Variants in EFCAB13 observed in about 807,000 individuals in gnomAD.
EFCAB13 encodes the protein EF-hand calcium binding domain 13.
In EFCAB13, 91 loss-of-function variants were observed where a neutral mutation model predicts 110.2. The ratio of observed to expected loss-of-function variants is 0.83; its 90% confidence interval spans 0.70 to 0.98. The LOEUF (loss-of-function observed/expected upper bound fraction) is 0.98, where lower values mean the gene tolerates loss of function less well. Ranked by LOEUF, EFCAB13 falls within the 50% of genes least tolerant of loss-of-function variation. The pLI is 0.00. For synonymous variants in EFCAB13, 323 were observed against 369.9 expected, an observed-to-expected ratio of 0.87 and a Z score of 1.45; for missense variants, 968 against 1,119.4, an observed-to-expected ratio of 0.86 and a Z score of 1.93.
chr17:47,401,923 C>T (rs576624368), intron 17 of EFCAB13, among the ~76,000 whole-genome samples: 10 of 152,170 alleles, frequency 6.6e-5, no homozygotes, highest in Admixed American at 5.2e-4. Flanking sequence ...GGATTACAGG[C>T]GTGAGCCACC....
chr17:47,396,773 T>G (rs1335337693), intron 17 of EFCAB13, among the ~76,000 whole-genome samples: 1 of 152,186 alleles, frequency 6.6e-6, no homozygotes, highest in Non-Finnish European at 1.5e-5. Context: ...GTTTTGGGCT[T>G]TAAATGTATT....
At chr17:47,424,021 G>A (rs1355597931) in intron 23 of EFCAB13, among the ~76,000 whole-genome samples, 1 of 152,108 alleles carries the variant, frequency 6.6e-6, no homozygotes, top group Non-Finnish European at 1.5e-5. Context: ...ACTCTGCCGC[G>A]CCGCCCGAGG....
chr17:47,368,567 A>C (rs999734587), intron 10 of EFCAB13, among the ~76,000 whole-genome samples: 2 of 152,196 alleles, frequency 1.3e-5, no homozygotes, highest in African/African-American at 4.8e-5. Flanking sequence ...AATGTGGGGA[A>C]TATTGCCAAC....
chr17:47,419,834 T>G (rs1360572430), intron 23 of EFCAB13, among the ~76,000 whole-genome samples: 1 of 152,136 alleles, frequency 6.6e-6, no homozygotes, highest in Non-Finnish European at 1.5e-5. Flanking sequence ...TATTCTATAT[T>G]AAAGTATGTT....
At chr17:47,348,784 G>T (rs1381354617) in intron 9 of EFCAB13, among the ~76,000 whole-genome samples, 5 of 151,934 alleles carry the variant, frequency 3.3e-5, no homozygotes, top group Non-Finnish European at 5.9e-5. Context: ...TGTATTTTGA[G>T]ATTCTTTATA....
At chr17:47,351,279 CTGTGTG>C (rs140772791) in intron 9 of EFCAB13, among the ~76,000 whole-genome samples, 2,085 of 127,924 alleles carry the variant, frequency 0.016, 58 homozygotes, top group Admixed American at 0.066. Context: ...TAGTATTCCA[CTGTGTG>C]TGTGTGTGTG....
chr17:47,410,946 C>T (rs1315271583), intron 21 of EFCAB13, among the ~76,000 whole-genome samples: 1 of 152,110 alleles, frequency 6.6e-6, no homozygotes, highest in African/African-American at 2.4e-5. Context: ...TTATAAATAT[C>T]CGTTTCTGTT....
chr17:47,377,786 A>T lies in EFCAB13; in HGVS notation c.1393A>T (p.Ser465Cys). The change falls in exon 13 of 25, where the codon AGT (serine) becomes TGT (cysteine). Residue 465 changes from serine to cysteine, a missense_variant. Transcript: ENST00000331493. The part of the protein sequence containing the change: ...STLENFCEAI[S>C]KLQENYIAAE... ...TTTAGAAAACTTCTGTGAAGCTATC[A>T]GTAAACTTCAAGAAAATTACATTGC... The T allele has an allele frequency of 6.3e-7, 1 of 1,585,748 alleles. No individual in the cohort carries two copies. Among genetic ancestry groups the T allele is most frequent in the Non-Finnish European group, 8.5e-7 (1 of 1,172,108 alleles).
chr17:47,403,952 C>G lies in EFCAB13; in HGVS notation c.2092C>G (p.Leu698Val). The G allele has an allele frequency of 1.2e-6, 2 of 1,610,604 alleles. No individual in the cohort carries two copies. The highest frequency in any genetic ancestry group is 2.2e-5 in the South Asian group (2 of 90,550). The part of the protein sequence containing the change: ...MIAGKNLEDF[L>V]RNVGIKSPKE... ...AGCTGGGAAGAACTTGGAAGACTTTCTAAGAAATGTTGGGATTAAGTCACC... is the reference window on the plus strand; with the variant it reads ...AGCTGGGAAGAACTTGGAAGACTTTGTAAGAAATGTTGGGATTAAGTCACC... The change falls in exon 19 of 25, where the codon CTA (leucine) becomes GTA (valine). Residue 698 changes from leucine (L) to valine (V), a missense_variant. Physicochemically the swap from Leu to Val is conservative, Grantham distance 32. Transcript: ENST00000331493.
At chr17:47,358,228 A>G (rs942354822) in intron 9 of EFCAB13, among the ~76,000 whole-genome samples, 1 of 152,214 alleles carries the variant, frequency 6.6e-6, no homozygotes, top group African/African-American at 2.4e-5. Flanking sequence ...TGAGTTATCA[A>G]TTACTAGGCA....
At chr17:47,329,884 G>C (rs1051202632) in intron 4 of EFCAB13, 8 of 151,928 alleles carry the variant, frequency 5.3e-5, no homozygotes, top group African/African-American at 1.9e-4. Flanking sequence ...AAATCAAATT[G>C]CCTTTTTGAA....
At chr17:47,393,975 C>T in intron 15 of EFCAB13, 50 bp from the exon 16 acceptor site, 2 of 1,028,194 alleles carry the variant, frequency 1.9e-6, no homozygotes, top group Admixed American at 2.5e-5. Context: ...CAATATTTTT[C>T]ATAATAATAC....
chr17:47,344,151 T>C lies in EFCAB13; in HGVS notation c.304-11T>C, dbSNP rs751543643. The C allele has an allele frequency of 1.2e-6, 2 of 1,610,304 alleles. No homozygotes were observed. The highest frequency in any genetic ancestry group is 1.1e-5 in the South Asian group (1 of 90,668). ...CACCTCAGGCACCAACATACTTGCA[T>C]TTGGCTCTAGATTATCCCTCCTTTT... On this transcript the variant is annotated splice_polypyrimidine_tract_variant and intron_variant, in intron 6 of 24. Coordinates refer to ENST00000331493, the MANE Select transcript of EFCAB13 (RefSeq NM_152347.5).
At chr17:47,336,508 G>A (rs1451088810) in intron 5 of EFCAB13, among the ~76,000 whole-genome samples, 1 of 151,754 alleles carries the variant, frequency 6.6e-6, no homozygotes, top group Non-Finnish European at 1.5e-5. Flanking sequence ...AGCCATGATG[G>A]TCTCGATCTC....
Position 47,440,437 on chromosome 17 carries a change from G to T in EFCAB13, c.2645G>T (p.Gly882Val). Residue 882 changes from glycine (G) to valine (V), a missense_variant, in exon 25 of 25, where the codon GGC (glycine) becomes GTC (valine). Physicochemically the swap from Gly to Val is moderately radical, Grantham distance 109. Transcript: ENST00000331493. ...MLRHVPEHES[G>V]KVSIQEFMTK... ...ATTATGCTTTGCCTTACAGAAAGTG[G>T]CAAGGTTAGCATTCAAGAATTTATG... The T allele has an allele frequency of 2.5e-6, 4 of 1,575,030 alleles. No homozygotes were observed. The highest frequency in any genetic ancestry group is 3.4e-6 in the Non-Finnish European group (4 of 1,164,758).
intron 24 of EFCAB13, among the ~76,000 whole-genome samples, chr17:47,433,657 C>T (rs900530973): frequency 6.6e-6 from 1 of 152,028 alleles, no homozygotes; most frequent in African/African-American, 2.4e-5. Context: ...TTTCTACTTC[C>T]CTCATTCCTT....
rs377168087 is a variant in EFCAB13 at position 47,404,554 on chromosome 17, C to T, written c.2162-8C>T. The T allele has an allele frequency of 1.9e-6, 3 of 1,608,800 alleles. No homozygotes were observed. The highest frequency in any genetic ancestry group is 2.7e-5 in the African/African-American group (2 of 74,634). Reference sequence around the variant, plus strand: ...TTCTTGTTTGTCATCTCTCTCTTTTCCTTGCAGAAGATAACATGGTGAACA... The same window carrying T: ...TTCTTGTTTGTCATCTCTCTCTTTTTCTTGCAGAAGATAACATGGTGAACA... On this transcript the variant is annotated splice_region_variant and splice_polypyrimidine_tract_variant and intron_variant, in intron 19 of 24. Coordinates refer to ENST00000331493, the MANE Select transcript of EFCAB13 (RefSeq NM_152347.5).
At chr17:47,429,369 C>T (rs1905060067) in intron 23 of EFCAB13, among the ~76,000 whole-genome samples, 1 of 152,136 alleles carries the variant, frequency 6.6e-6, no homozygotes, top group East Asian at 1.9e-4. Flanking sequence ...TAATATGTGG[C>T]TCAAGGGATA....
In EFCAB13 at chr17:47,395,977, G is replaced by A. The variant is rs758470905; in HGVS notation, c.1945G>A (p.Glu649Lys). ...LAALELVTVD[E>K]GDKVQFEEFA... ...TGCATTGGAACTAGTGACAGTTGAT[G>A]GTGAGTGTTACAAATACTAAAATTA... is the stretch of plus-strand genomic sequence containing the variant. Residue 649 changes from glutamate to lysine, a missense_variant and splice_region_variant, in exon 17 of 25, where the codon GAA becomes AAA. Coordinates refer to ENST00000331493, the MANE Select transcript of EFCAB13 (RefSeq NM_152347.5). The A allele has an allele frequency of 2.4e-5, 39 of 1,599,646 alleles. No individual in the cohort carries two copies. Among genetic ancestry groups the A allele is most frequent in the East Asian group, 1.1e-4 (5 of 44,780 alleles).
Sources: gnomAD v4.1 joint callset for allele counts (sites outside exome capture counted in the v4.1 genomes callset) on GRCh38, gnomAD v4.1.1 for gene constraint, MANE v1.5 for transcripts, NCBI Gene and HGNC (gene_info 2026-07-23, HGNC 2026-07-21) for gene names.